Variants in PKHD1 observed in about 807,000 individuals in gnomAD.
PKHD1 encodes fibrocystin.
In PKHD1, 291 loss-of-function variants were observed where a neutral mutation model predicts 412.0. That is an observed-to-expected ratio of 0.71 (90% CI 0.64 to 0.78). The LOEUF (loss-of-function observed/expected upper bound fraction) is 0.78. Ranked by LOEUF, PKHD1 falls within the 30% of genes least tolerant of loss-of-function variation. PKHD1 has a pLI of 0.00. For missense variants in PKHD1, 4,825 were observed against 4,950.7 expected (o/e 0.97, Z 0.76); for synonymous variants, 1,777 against 1,821.5 (o/e 0.98, Z 0.62).
At chr6:52,050,129 G>A in intron 22 of PKHD1, 28 bp downstream of exon 22, 3 of 1,611,706 alleles carry the variant, frequency 1.9e-6, no homozygotes, top group Non-Finnish European at 2.5e-6. Flanking sequence ...TTAGGAGAAG[G>A]GACAGGTGTA....
chr6:51,987,195 C>T (rs1317662136), intron 35 of PKHD1, among the ~76,000 whole-genome samples: 4 of 152,276 alleles, frequency 2.6e-5, no homozygotes, highest in Admixed American at 2.6e-4. Context: ...TTCAATACCC[C>T]CATTTTGGTA....
At chr6:52,059,879 G>C (rs1808411788) in intron 15 of PKHD1, 49 bp downstream of exon 15, 1 of 876,294 alleles carries the variant, frequency 1.1e-6, no homozygotes, top group African/African-American at 1.6e-5. Context: ...TTTCTTCATG[G>C]GTATGGGACT....
intron 53 of PKHD1, among the ~76,000 whole-genome samples, chr6:51,784,638 A>G (rs778898155): frequency 2.1e-4 from 32 of 152,268 alleles, no homozygotes; most frequent in Non-Finnish European, 4.7e-4. Context: ...CATAATTTGG[A>G]CTCATTTAGA....
chr6:51,803,689 G>T (rs768926785), intron 52 of PKHD1, among the ~76,000 whole-genome samples: 14 of 151,306 alleles, frequency 9.3e-5, no homozygotes, highest in Admixed American at 2.0e-4. Context: ...ATAAAACAAG[G>T]CTCCTACTTC....
intron 53 of PKHD1, among the ~76,000 whole-genome samples, chr6:51,786,874 C>T (rs1490567480): frequency 6.6e-6 from 1 of 152,180 alleles, no homozygotes; most frequent in Non-Finnish European, 1.5e-5. Flanking sequence ...ATTCTTTAAG[C>T]TTATCTTAAC....
chr6:52,082,624 G>A lies in PKHD1; in HGVS notation c.131-82C>T, dbSNP rs141072303. Reference sequence around the variant, plus strand: ...TGTGAAACTGTGCTAAGATCCTGGGGGTAATGTAAGACATTAAATTTGCCC... The same window carrying A: ...TGTGAAACTGTGCTAAGATCCTGGGAGTAATGTAAGACATTAAATTTGCCC... On this transcript the variant is annotated intron_variant, in intron 3 of 66. Coordinates refer to ENST00000371117, the MANE Select transcript of PKHD1 (RefSeq NM_138694.4). 479 of 1,368,840 alleles carry A rather than the reference G, an allele frequency of 3.5e-4. 1 individual carries two copies. The East Asian group carries it at 8.7e-3, about 25-fold the overall frequency. 84.8% of individuals were successfully genotyped at this position (1,368,840 alleles called of 1,614,324 possible). A position where few individuals can be genotyped will look rare whatever the true frequency, so the allele number is the denominator to read the frequency against.
chr6:51,775,355 G>A (rs542200356), intron 54 of PKHD1, among the ~76,000 whole-genome samples: 20 of 151,848 alleles, frequency 1.3e-4, no homozygotes, highest in East Asian at 5.8e-4. Flanking sequence ...GCCAGTCCCC[G>A]TTTCTGTACT....
At chr6:51,943,394 CAA>C (rs879367102) in intron 36 of PKHD1, among the ~76,000 whole-genome samples, 13 of 137,224 alleles carry the variant, frequency 9.5e-5, no homozygotes, top group Non-Finnish European at 8.0e-5. Context: ...TCCCTTCCAC[CAA>C]AAAAAAAAAA....
chr6:51,729,050 G>T (rs2150877204), intron 60 of PKHD1, among the ~76,000 whole-genome samples: 1 of 152,330 alleles, frequency 6.6e-6, no homozygotes, highest in Middle Eastern at 3.4e-3. Context: ...GGATAGGCTG[G>T]TTTCCACATG....
chr6:51,946,608 A>G (rs1219951903), intron 36 of PKHD1, among the ~76,000 whole-genome samples: 1 of 152,240 alleles, frequency 6.6e-6, no homozygotes, highest in African/African-American at 2.4e-5. Flanking sequence ...GCTGAAATAA[A>G]GAGCAGGGCT....
At chr6:51,652,021 G>A (rs1323029676) in intron 61 of PKHD1, among the ~76,000 whole-genome samples, 1 of 152,156 alleles carries the variant, frequency 6.6e-6, no homozygotes, top group Non-Finnish European at 1.5e-5. Flanking sequence ...ACCTGGATTT[G>A]TCATTGTGCT....
At chr6:51,890,834 TTCAGCATTA>T (rs1469139719) in intron 43 of PKHD1, among the ~76,000 whole-genome samples, 1 of 152,186 alleles carries the variant, frequency 6.6e-6, no homozygotes, top group East Asian at 1.9e-4. Flanking sequence ...GTTCTGGAAT[TTCAGCATTA>T]TGGAGATCAA....
chr6:52,042,703 C>T (rs754130048), intron 27 of PKHD1, among the ~76,000 whole-genome samples, 156 bp downstream of exon 27: 3 of 152,128 alleles, frequency 2.0e-5, no homozygotes, highest in Non-Finnish European at 2.9e-5. Flanking sequence ...TTTAAGGGCT[C>T]AAATGTTTGT....
At chr6:51,721,839 G>A (rs1781961400) in intron 60 of PKHD1, 1 of 1,521,964 alleles carries the variant, frequency 6.6e-7, no homozygotes, top group Non-Finnish European at 8.8e-7. Flanking sequence ...TCTCCTCCCA[G>A]TCCTCAATCA....
At chr6:51,716,786 A>G (rs1781315773) in intron 60 of PKHD1, among the ~76,000 whole-genome samples, 1 of 152,100 alleles carries the variant, frequency 6.6e-6, no homozygotes, top group Non-Finnish European at 1.5e-5. Context: ...GTCACCTGAG[A>G]TGACTAAACT....
intron 37 of PKHD1, 48 bp downstream of exon 37, chr6:51,934,062 G>A (rs1215759771): frequency 7.0e-7 from 1 of 1,420,708 alleles, no homozygotes. Flanking sequence ...AGTTTCCACT[G>A]CTAGACACAG....
intron 46 of PKHD1, among the ~76,000 whole-genome samples, chr6:51,881,483 G>A (rs956744111): frequency 1.4e-4 from 21 of 152,114 alleles, no homozygotes; most frequent in African/African-American, 4.8e-4. Flanking sequence ...AAACAGCACA[G>A]TATAAATATA....
Position 51,934,104 on chromosome 6 carries a change from A to T in PKHD1, c.6121+6T>A. On this transcript the variant is annotated splice_donor_region_variant and intron_variant, in intron 37 of 66. Transcript: ENST00000371117. ...TTCATTTCCTCTGATCAATTGCCTC[A>T]CTCACCGTGCAGAGAAAGAGTTCCA... 6.3e-7 allele frequency: 1 copy of T among 1,598,300 alleles called. No homozygotes were observed. Among genetic ancestry groups the T allele is most frequent in the Non-Finnish European group, 8.6e-7 (1 of 1,165,538 alleles).
intron 61 of PKHD1, among the ~76,000 whole-genome samples, chr6:51,657,536 A>G (rs1772083874): frequency 6.6e-6 from 1 of 151,944 alleles, no homozygotes; most frequent in Non-Finnish European, 1.5e-5. Context: ...ACACATTCCA[A>G]CACAAAATCA....
Sources: gnomAD v4.1 joint callset for allele counts (sites outside exome capture counted in the v4.1 genomes callset) on GRCh38, gnomAD v4.1.1 for gene constraint, MANE v1.5 for transcripts, NCBI Gene and HGNC (gene_info 2026-07-23, HGNC 2026-07-21) for gene names.